Variants in KCNN2 observed in about 807,000 individuals in gnomAD.
KCNN2 encodes small conductance calcium-activated potassium channel protein 2.
A neutral mutation model predicts 55.5 loss-of-function variants in KCNN2; 24 were observed. The ratio of observed to expected loss-of-function variants is 0.43; its 90% CI spans 0.31 to 0.61. The LOEUF (loss-of-function observed/expected upper bound fraction) is 0.61, where lower values mean the gene tolerates loss of function less well. KCNN2 is among the 20% of genes least tolerant of loss of function. KCNN2 has a pLI of 0.08. For missense variants in KCNN2, 754 were observed against 853.6 expected, an observed-to-expected ratio of 0.88 and a Z score of 1.45; for synonymous variants, 431 against 336.1, an observed-to-expected ratio of 1.28 and a Z score of -3.09.
At chr5:114,485,974 A>G (rs1257747896) in intron 5 of KCNN2, among the ~76,000 whole-genome samples, 1 of 152,138 alleles carries the variant, frequency 6.6e-6, no homozygotes, top group Non-Finnish European at 1.5e-5. Context: ...AACATTCATT[A>G]TCTCTAACTT....
At chr5:114,103,669 T>C (rs1171021375) in intron 1 of KCNN2, among the ~76,000 whole-genome samples, 1 of 152,200 alleles carries the variant, frequency 6.6e-6, no homozygotes, top group African/African-American at 2.4e-5. Context: ...CTTTTCTGCA[T>C]GTATTGAGAT....
intron 2 of KCNN2, among the ~76,000 whole-genome samples, chr5:114,226,900 CAAA>C (rs34719469): frequency 0.017 from 1,436 of 86,792 alleles, 16 homozygotes; most frequent in African/African-American, 0.052. Context: ...GACTCCGTCT[CAAA>C]AAAAAAAAAA....
chr5:114,480,443 G>C (rs1238317317), intron 5 of KCNN2, among the ~76,000 whole-genome samples: 2 of 152,138 alleles, frequency 1.3e-5, no homozygotes, highest in Non-Finnish European at 2.9e-5. Flanking sequence ...AGAAGAGCTG[G>C]TGCCATTTCT....
intron 1 of KCNN2, among the ~76,000 whole-genome samples, chr5:114,214,200 A>G (rs1259024136): frequency 1.3e-5 from 2 of 152,094 alleles, no homozygotes; most frequent in African/African-American, 4.8e-5. Flanking sequence ...TTCGTATGCC[A>G]TACAGTCTCT....
intron 1 of KCNN2, among the ~76,000 whole-genome samples, chr5:114,071,385 G>T (rs1750566215): frequency 1.3e-5 from 2 of 152,104 alleles, no homozygotes; most frequent in African/African-American, 4.8e-5. Flanking sequence ...AGATTACATT[G>T]TTCATTTTCA....
chr5:114,087,720 A>G (rs1375037292), intron 1 of KCNN2, among the ~76,000 whole-genome samples: 1 of 151,876 alleles, frequency 6.6e-6, no homozygotes, highest in Non-Finnish European at 1.5e-5. Context: ...ATTTGGATTA[A>G]TTGAGTAAAT....
chr5:114,224,464 A>G (rs900883929), intron 2 of KCNN2, among the ~76,000 whole-genome samples: 2 of 152,244 alleles, frequency 1.3e-5, no homozygotes, highest in African/African-American at 4.8e-5. Flanking sequence ...TAGCTTAAAT[A>G]TATTTTTTAG....
At chr5:114,481,230 G>A (rs947337926) in intron 5 of KCNN2, among the ~76,000 whole-genome samples, 4 of 152,118 alleles carry the variant, frequency 2.6e-5, no homozygotes, top group Non-Finnish European at 5.9e-5. Context: ...GCCAAATCAT[G>A]AATGAACTGC....
At chr5:114,399,796 T>C (rs1050470099) in intron 2 of KCNN2, among the ~76,000 whole-genome samples, 1 of 152,186 alleles carries the variant, frequency 6.6e-6, no homozygotes, top group Non-Finnish European at 1.5e-5. Flanking sequence ...GTTATTGGTC[T>C]GTTGAGGTAT....
chr5:114,438,847 C>T (rs1051636069), intron 3 of KCNN2, among the ~76,000 whole-genome samples: 22 of 152,140 alleles, frequency 1.4e-4, no homozygotes, highest in African/African-American at 5.3e-4. Flanking sequence ...CTGCAAAACC[C>T]TATGTTAGAG....
chr5:114,379,093 C>T (rs1484000302), intron 2 of KCNN2, among the ~76,000 whole-genome samples: 1 of 152,116 alleles, frequency 6.6e-6, no homozygotes, highest in African/African-American at 2.4e-5. Flanking sequence ...TCAGCACCTC[C>T]CAGCCTTGTC....
intron 1 of KCNN2, among the ~76,000 whole-genome samples, chr5:114,132,184 T>C (rs1346154382): frequency 6.6e-6 from 1 of 152,202 alleles, no homozygotes; most frequent in Non-Finnish European, 1.5e-5. Flanking sequence ...CTTTTGACAT[T>C]TGTGTCATGA....
At chr5:114,165,096 T>C (rs1752881309) in intron 1 of KCNN2, among the ~76,000 whole-genome samples, 1 of 152,208 alleles carries the variant, frequency 6.6e-6, no homozygotes, top group Non-Finnish European at 1.5e-5. Context: ...TCAGGCTCTG[T>C]GTTCTTAACC....
upstream of KCNN2, among the ~76,000 whole-genome samples, chr5:114,358,828 G>C (rs767866218): frequency 3.9e-5 from 6 of 152,064 alleles, no homozygotes; most frequent in Non-Finnish European, 5.9e-5. Flanking sequence ...AGAAAAAAAA[G>C]AAATCATGTT....
chr5:114,279,187 T>C (rs956288346), intron 2 of KCNN2, among the ~76,000 whole-genome samples: 1 of 152,152 alleles, frequency 6.6e-6, no homozygotes, highest in Admixed American at 6.6e-5. Context: ...TCTTTCTCTT[T>C]ATAATTCACA....
intron 2 of KCNN2, among the ~76,000 whole-genome samples, chr5:114,235,801 A>G (rs901572536): frequency 3.3e-5 from 5 of 152,230 alleles, no homozygotes; most frequent in African/African-American, 1.2e-4. Context: ...ATTTTCCAAG[A>G]AGCAATTAAG....
chr5:114,144,680 G>C (rs1327812491), intron 1 of KCNN2, among the ~76,000 whole-genome samples: 1 of 151,966 alleles, frequency 6.6e-6, no homozygotes, highest in African/African-American at 2.4e-5. Context: ...AATTATGTTG[G>C]TTTTTGAACT....
rs115532671 is a variant in KCNN2 at position 114,417,357 on chromosome 5, G to A, written c.1637+12501G>A. Among the ~76,000 whole-genome samples, 385 of 152,238 alleles carry A rather than the reference G, an allele frequency of 2.5e-3. 2 individuals are homozygous for A. Among genetic ancestry groups the A allele is most frequent in the African/African-American group, 8.8e-3 (366 of 41,550 alleles). The stretch of plus-strand genomic sequence containing the variant: ...TGCCTACTGTGCTTTCTACTATTTA[G>A]TAAGGTGTTTTTATTGTTTTATTTT... On this transcript the variant is annotated intron_variant, in intron 3 of 7. Transcript: ENST00000673685.
intron 2 of KCNN2, among the ~76,000 whole-genome samples, chr5:114,276,517 A>T (rs542581192): frequency 6.6e-6 from 1 of 152,214 alleles, no homozygotes; most frequent in East Asian, 1.9e-4. Context: ...GTGCTCCTGT[A>T]TTGGGTGCAT....
Sources: gnomAD v4.1 joint callset for allele counts (sites outside exome capture counted in the v4.1 genomes callset) on GRCh38, gnomAD v4.1.1 for gene constraint, MANE v1.5 for transcripts, NCBI Gene and HGNC (gene_info 2026-07-23, HGNC 2026-07-21) for gene names.